The following FBXO28 variants were observed in gnomAD, a reference collection of about 807,000 sequenced individuals.
The protein encoded by FBXO28 is F-box protein 28.
In FBXO28, 8 loss-of-function variants were observed where a neutral mutation model predicts 38.1. The observed-to-expected ratio is 0.21, with a 90% CI of 0.12 to 0.38. The LOEUF is 0.38. Ranked by LOEUF, FBXO28 falls within the 10% of genes least tolerant of loss-of-function variation. FBXO28 has a pLI of 1.00. For missense variants in FBXO28, 345 were observed against 460.6 expected, an observed-to-expected ratio of 0.75 and a Z score of 2.30; for synonymous variants, 168 against 173.8, an observed-to-expected ratio of 0.97 and a Z score of 0.26.
intron 2 of FBXO28, among the ~76,000 whole-genome samples, chr1:224,132,144 T>A (rs1657063541): frequency 6.6e-6 from 1 of 151,978 alleles, no homozygotes; most frequent in African/African-American, 2.4e-5. Flanking sequence ...TCCCAACTAC[T>A]CAGGAGGCTT....
Position 224,134,222 on chromosome 1 carries a change from A to G in FBXO28, c.516+10A>G. 3 of 1,611,702 alleles carry G rather than the reference A, an allele frequency of 1.9e-6. No homozygotes were observed. Among genetic ancestry groups the G allele is most frequent in the Non-Finnish European group, 2.5e-6 (3 of 1,179,266 alleles). On this transcript the variant is annotated intron_variant, in intron 3 of 4. Transcript: ENST00000366862. ...CTTCATCCCAGGAAAGGTAAAATAGAATTGCTTGCCTAGAACAGCTGGACT... is the reference window on the plus strand; with the variant it reads ...CTTCATCCCAGGAAAGGTAAAATAGGATTGCTTGCCTAGAACAGCTGGACT...
chr1:224,161,009 A>G lies in FBXO28; in HGVS notation c.*3263A>G, dbSNP rs946298735. ...ATTGCACTATTTTATGCATTATTTT[A>G]TATGCCATTTCATAGCCTGCACTTT... On this transcript the variant is annotated 3_prime_UTR_variant, in exon 5 of 5. Transcript: ENST00000366862. 1 of 152,198 alleles carries G rather than the reference A, an allele frequency of 6.6e-6. No homozygotes were observed. The highest frequency in any genetic ancestry group is 1.5e-5 in the Non-Finnish European group (1 of 68,030). The allele number at this position is 152,198 out of a possible 1,614,324, so 9.4% of individuals were successfully genotyped here.
At position 224,147,157 on chromosome 1, in the gene FBXO28, G is replaced by T. The variant is rs112014790; in HGVS notation, c.517-5985G>T. 7.0e-3 allele frequency among the ~76,000 whole-genome samples: 1,062 copies of T among 151,802 alleles called. 14 individuals carry two copies. Among genetic ancestry groups the T allele is most frequent in the African/African-American group, 0.024 (998 of 41,438 alleles). On this transcript the variant is annotated intron_variant, in intron 3 of 4. Coordinates refer to ENST00000366862, the MANE Select transcript of FBXO28 (RefSeq NM_015176.4). ...AGAAAAACAATTGCCGGATGCGGTG[G>T]CTCACGCCTATAATCCCAGCACTTT...
chr1:224,157,865 C>G lies in FBXO28; in HGVS notation c.*119C>G. On this transcript the variant is annotated 3_prime_UTR_variant, in exon 5 of 5. Coordinates refer to ENST00000366862, the MANE Select transcript of FBXO28 (RefSeq NM_015176.4). ...AAGCTTCTAGGCTTTCAGAACACAA[C>G]TTAAACTTGAACTCTTATGGTTGGG... is the stretch of plus-strand genomic sequence containing the variant. The G allele has an allele frequency of 6.9e-7, 1 of 1,446,190 alleles. No homozygotes were observed. The highest frequency in any genetic ancestry group is 1.5e-5 in the South Asian group (1 of 66,036). 89.6% of individuals were successfully genotyped at this position (1,446,190 alleles called of 1,614,324 possible). A position where few individuals can be genotyped will look rare whatever the true frequency, so the allele number is the denominator to read the frequency against.
intron 3 of FBXO28, among the ~76,000 whole-genome samples, chr1:224,139,755 T>G (rs1447369620): frequency 2.8e-5 from 1 of 36,172 alleles, no homozygotes; most frequent in Non-Finnish European, 7.9e-5. Context: ...AATACATACA[T>G]GCATGCATGC....
chr1:224,157,396 A>C lies in FBXO28; in HGVS notation c.757A>C (p.Lys253Gln), dbSNP rs1300202663. 6.2e-7 allele frequency: 1 copy of C among 1,614,068 alleles called. No homozygotes were observed. Residue 253 changes from lysine (K) to glutamine (Q), a missense_variant, in exon 5 of 5, where the codon AAG becomes CAG. Coordinates refer to ENST00000366862, the MANE Select transcript of FBXO28 (RefSeq NM_015176.4). ...CCTAACAACAATGCAGCTCTTCTCC[A>C]AGCAAAATCCTTCAAGACAAGAGGT... ...AALTTMQLFS[K>Q]QNPSRQEVTK...
Position 224,134,152 on chromosome 1 carries a change from A to G in FBXO28, c.456A>G (p.Leu152=), listed in dbSNP as rs763925424. ...CTGCTGTTGAAACAAGGCTGTCACT[A>G]TTAAATATGACTTTCATGAAATATG... ...ILAAVETRLS[L]LNMTFMKYVD... is the part of the protein sequence containing the mutation. The change falls in exon 3 of 5, where the codon CTA becomes CTG. Residue 152 remains leucine (L), a synonymous_variant. Transcript: ENST00000366862. 4 of 1,612,146 alleles carry G rather than the reference A, an allele frequency of 2.5e-6. No homozygotes were observed. In the South Asian group the frequency reaches 4.4e-5, roughly 18 times the overall value.
intron 1 of FBXO28, among the ~76,000 whole-genome samples, chr1:224,122,071 C>T (rs972831996): frequency 2.6e-5 from 4 of 152,060 alleles, no homozygotes; most frequent in South Asian, 2.1e-4. Flanking sequence ...ACTGCCTGGC[C>T]CCAAATAGAA....
chr1:224,135,317 A>G (rs73124453), intron 3 of FBXO28, among the ~76,000 whole-genome samples: 9,336 of 152,204 alleles, frequency 0.061, 857 homozygotes, highest in African/African-American at 0.2. Context: ...TTTTTATTGA[A>G]TATCTCATTG....
At chr1:224,117,805 C>T (rs1478168993) in intron 1 of FBXO28, among the ~76,000 whole-genome samples, 15 of 151,238 alleles carry the variant, frequency 9.9e-5, no homozygotes, top group African/African-American at 3.6e-4. Context: ...GTCAGGAGTT[C>T]GATACCAGCC....
rs199693010 is a variant in FBXO28 at position 224,141,891 on chromosome 1, A to ATTT, written c.516+7692_516+7694dup. ...AACACTGCATACTGAGGCTACATTA[A>ATTT]TTTTTTTTTTTTTTTGATACTGGGT... On this transcript the variant is annotated intron_variant, in intron 3 of 4. Transcript: ENST00000366862. Among the ~76,000 whole-genome samples, 409 of 145,486 alleles carry ATTT rather than the reference A, an allele frequency of 2.8e-3. 2 individuals carry two copies. The highest frequency in any genetic ancestry group is 8.6e-3 in the African/African-American group (337 of 39,398).
In FBXO28 at chr1:224,134,131, T is replaced by C; in HGVS notation, c.435T>C (p.Ala145=). 6.2e-7 allele frequency: 1 copy of C among 1,610,294 alleles called. No homozygotes were observed. The highest frequency in any genetic ancestry group is 8.5e-7 in the Non-Finnish European group (1 of 1,178,032). ...CTCGTCATGCAGACATTCTTGCTGC[T>C]GTTGAAACAAGGCTGTCACTATTAA... The part of the protein sequence containing the change: ...SLARHADILA[A]VETRLSLLNM... Residue 145 remains alanine, a synonymous_variant, in exon 3 of 5, where the codon GCT becomes GCC. Coordinates refer to ENST00000366862, the MANE Select transcript of FBXO28 (RefSeq NM_015176.4).
chr1:224,130,077 C>T, intron 1 of FBXO28, among the ~76,000 whole-genome samples: 1 of 152,110 alleles, frequency 6.6e-6, no homozygotes. Context: ...TGTGGTGGCT[C>T]ACTCCTGTAA....
chr1:224,144,612 G>A (rs1200484102), intron 3 of FBXO28, among the ~76,000 whole-genome samples: 1 of 151,298 alleles, frequency 6.6e-6, no homozygotes, highest in African/African-American at 2.4e-5. Context: ...ACCAAAATTA[G>A]CTGGGCGTGG....
chr1:224,143,008 A>C (rs1205117027), intron 3 of FBXO28, among the ~76,000 whole-genome samples: 4 of 152,004 alleles, frequency 2.6e-5, no homozygotes, highest in Non-Finnish European at 5.9e-5. Context: ...GAAATAAATA[A>C]ATAAGTAAGT....
At chr1:224,118,943 A>T (rs1332198394) in intron 1 of FBXO28, among the ~76,000 whole-genome samples, 1 of 152,168 alleles carries the variant, frequency 6.6e-6, no homozygotes, top group East Asian at 1.9e-4. Flanking sequence ...ATTCCACTGG[A>T]TACTCGTGAG....
rs971893332 is a variant in FBXO28 at position 224,146,367 on chromosome 1, CAG to C, written c.517-6773_517-6772del. Reference sequence around the variant, plus strand: ...GGAAATCTCAAGTACAACAAAAAGACAGATGAAAAATGAGAAAAAAATGAGCA... The same window carrying C: ...GGAAATCTCAAGTACAACAAAAAGACATGAAAAATGAGAAAAAAATGAGCA... On this transcript the variant is annotated intron_variant, in intron 3 of 4. Coordinates refer to ENST00000366862, the MANE Select transcript of FBXO28 (RefSeq NM_015176.4). Among the ~76,000 whole-genome samples, 156 of 151,824 alleles carry C rather than the reference CAG, an allele frequency of 1.0e-3. 1 individual carries two copies. The highest frequency in any genetic ancestry group is 3.4e-3 in the Middle Eastern group (1 of 294).
Position 224,157,902 on chromosome 1 carries a change from C to G in FBXO28, c.*156C>G. On this transcript the variant is annotated 3_prime_UTR_variant, in exon 5 of 5. Coordinates refer to ENST00000366862, the MANE Select transcript of FBXO28 (RefSeq NM_015176.4). ...CTCTTATGGTTGGGACATTCTTTTC[C>G]TGCTTCTCCTGATTGAACTGATGCA... 7.0e-7 allele frequency: 1 copy of G among 1,421,268 alleles called. No individual in the cohort carries two copies. The highest frequency in any genetic ancestry group is 9.1e-7 in the Non-Finnish European group (1 of 1,094,780). The allele number at this position is 1,421,268 out of a possible 1,614,324, so 88.0% of individuals were successfully genotyped here.
In FBXO28 at chr1:224,139,760, G is replaced by GCATA. The variant is rs1218119009; in HGVS notation, c.516+5551_516+5552insACAT. Reference sequence around the variant, plus strand: ...GTCTGAAATAAATACATACATGCATGCATGCATACATACATACATACATAC... The same window carrying GCATA: ...GTCTGAAATAAATACATACATGCATGCATACATGCATACATACATACATACATAC... On this transcript the variant is annotated intron_variant, in intron 3 of 4. Transcript: ENST00000366862. Among the ~76,000 whole-genome samples the GCATA allele has an allele frequency of 1.9e-4, 3 of 16,092 alleles. No homozygotes were observed. The South Asian group carries it at 0.011, about 58-fold the overall frequency. The allele number at this position is 16,092 out of a possible 152,430, so 10.6% of individuals were successfully genotyped here. A position where few individuals can be genotyped will look rare whatever the true frequency, so the allele number is the denominator to read the frequency against.
Sources: allele counts gnomAD v4.1 joint callset (sites outside exome capture counted in the v4.1 genomes callset), GRCh38; gene constraint gnomAD v4.1.1; transcripts MANE v1.5; gene names NCBI Gene and HGNC (gene_info 2026-07-23, HGNC 2026-07-21).